Variants in ARID1B observed in about 807,000 individuals in gnomAD.
The protein encoded by ARID1B is AT-rich interaction domain 1B, also known as AT-rich interactive domain-containing protein 1B.
Under a neutral mutation model 212.3 loss-of-function variants are expected in ARID1B, and 30 were observed. The observed-to-expected ratio is 0.14, with a 90% CI of 0.11 to 0.19. The LOEUF (loss-of-function observed/expected upper bound fraction) is 0.19, where lower values mean the gene tolerates loss of function less well. Ranked by LOEUF, ARID1B falls within the 10% of genes least tolerant of loss-of-function variation. The pLI, the probability that ARID1B is intolerant of heterozygous loss-of-function variation, is 1.00. For synonymous variants in ARID1B, 1,402 were observed against 1,301.7 expected (o/e 1.08, Z -1.66); for missense variants, 2,891 against 3,204.0 (o/e 0.90, Z 2.36).
chr6:156,791,230 T>A (rs1013763565), intron 1 of ARID1B, among the ~76,000 whole-genome samples: 2 of 152,206 alleles, frequency 1.3e-5, no homozygotes, highest in African/African-American at 2.4e-5. Flanking sequence ...ATAAATGTAT[T>A]TTATGAAGAG....
intron 6 of ARID1B, chr6:157,119,849 A>C (rs531951073): frequency 2.0e-5 from 3 of 152,236 alleles, no homozygotes; most frequent in Non-Finnish European, 4.4e-5. Flanking sequence ...CCAGGGCCTC[A>C]TGTTTTACCT....
chr6:157,180,850 G>A, intron 11 of ARID1B, 119 bp from the exon 12 acceptor site: 1 of 749,158 alleles, frequency 1.3e-6, no homozygotes, highest in Middle Eastern at 3.8e-4. Context: ...TTGTGTGATA[G>A]CAGTAGTTTT....
intron 2 of ARID1B, among the ~76,000 whole-genome samples, chr6:156,876,745 G>C (rs1426827678): frequency 6.6e-6 from 1 of 152,178 alleles, no homozygotes; most frequent in Non-Finnish European, 1.5e-5. Flanking sequence ...GTGGGCAGTT[G>C]CTTTAGCCCC....
intron 4 of ARID1B, among the ~76,000 whole-genome samples, chr6:157,052,110 G>A (rs74854649): frequency 0.058 from 8,829 of 152,172 alleles, 354 homozygotes; most frequent in Non-Finnish European, 0.078. Flanking sequence ...AAGTAATGAC[G>A]TAGGAAAATG....
intron 1 of ARID1B, among the ~76,000 whole-genome samples, chr6:156,813,816 A>G (rs1271811134): frequency 6.6e-6 from 1 of 152,154 alleles, no homozygotes; most frequent in Non-Finnish European, 1.5e-5. Flanking sequence ...ATCAATACTT[A>G]GGGCATCCTT....
At chr6:157,092,474 C>T (rs1006529157) in intron 5 of ARID1B, among the ~76,000 whole-genome samples, 2 of 152,248 alleles carry the variant, frequency 1.3e-5, no homozygotes, top group African/African-American at 2.4e-5. Flanking sequence ...AGAACTGCCT[C>T]AGTGTTCTGA....
chr6:156,923,319 A>C (rs996775829), intron 3 of ARID1B, among the ~76,000 whole-genome samples: 2 of 152,180 alleles, frequency 1.3e-5, no homozygotes, highest in Admixed American at 1.3e-4. Context: ...TTTATAGACA[A>C]ATCTGGGAAA....
At chr6:156,977,917 GC>G (rs1322332133) in intron 4 of ARID1B, among the ~76,000 whole-genome samples, 1 of 152,142 alleles carries the variant, frequency 6.6e-6, no homozygotes, top group Non-Finnish European at 1.5e-5. Flanking sequence ...CACTGATTCT[GC>G]CCACTTTTCG....
chr6:156,844,870 T>G (rs1449499681), intron 2 of ARID1B, among the ~76,000 whole-genome samples: 4 of 152,248 alleles, frequency 2.6e-5, no homozygotes, highest in African/African-American at 9.6e-5. Context: ...AGTTGATAAC[T>G]GCCCATTATT....
chr6:157,134,588 C>G (rs1350799082), intron 7 of ARID1B, among the ~76,000 whole-genome samples: 1 of 152,172 alleles, frequency 6.6e-6, no homozygotes, highest in African/African-American at 2.4e-5. Flanking sequence ...GAATTTCAGT[C>G]CCAGTTGACA....
intron 2 of ARID1B, among the ~76,000 whole-genome samples, chr6:156,886,210 TG>T (rs1787486401): frequency 6.6e-6 from 1 of 152,212 alleles, no homozygotes; most frequent in Non-Finnish European, 1.5e-5. Context: ...ATTGTTTGTT[TG>T]TTTTGAATTT....
In ARID1B at chr6:157,047,327, G is replaced by A. The variant is rs186689136; in HGVS notation, c.2248-37335G>A. On this transcript the variant is annotated intron_variant, in intron 4 of 19. Coordinates refer to ENST00000636930, the MANE Select transcript of ARID1B (RefSeq NM_001374828.1). ...GAAAGCCCAGCAAAGAAGGTGTGAC[G>A]TTTCCAGAATATGTTTTGGCATTAT... Among the ~76,000 whole-genome samples, 538 of 152,296 alleles carry A rather than the reference G, an allele frequency of 3.5e-3. 2 individuals carry two copies. Among genetic ancestry groups the A allele is most frequent in the Non-Finnish European group, 6.0e-3 (405 of 68,024 alleles).
intron 4 of ARID1B, among the ~76,000 whole-genome samples, chr6:156,959,075 C>T (rs970860058): frequency 6.6e-6 from 1 of 152,100 alleles, no homozygotes; most frequent in Non-Finnish European, 1.5e-5. Flanking sequence ...GTGGGACTTG[C>T]CTAGAAAAGA....
intron 3 of ARID1B, among the ~76,000 whole-genome samples, chr6:156,915,523 G>A (rs1431978630): frequency 2.0e-5 from 3 of 151,756 alleles, no homozygotes; most frequent in African/African-American, 4.8e-5. Flanking sequence ...AGCTGAGATC[G>A]TGCCACTGCA....
intron 4 of ARID1B, among the ~76,000 whole-genome samples, chr6:156,954,592 A>G (rs1793820824): frequency 6.6e-6 from 1 of 152,122 alleles, no homozygotes; most frequent in Non-Finnish European, 1.5e-5. Context: ...TTATTACTTT[A>G]TGAGGTATTT....
At chr6:156,813,573 G>A (rs746912607) in intron 1 of ARID1B, among the ~76,000 whole-genome samples, 59 of 152,172 alleles carry the variant, frequency 3.9e-4, no homozygotes, top group Admixed American at 1.5e-3. Context: ...TAAGTGTTCA[G>A]GTGCGGTGTT....
intron 4 of ARID1B, among the ~76,000 whole-genome samples, chr6:157,024,980 CGAT>C (rs1157804920): frequency 6.6e-6 from 1 of 152,178 alleles, no homozygotes; most frequent in African/African-American, 2.4e-5. Flanking sequence ...CTTGTACAGA[CGAT>C]TTCACCATTG....
At chr6:156,913,021 C>CTTTTTTTTT (rs112512329) in intron 3 of ARID1B, among the ~76,000 whole-genome samples, 1 of 136,630 alleles carries the variant, frequency 7.3e-6, no homozygotes. Context: ...TTCATACTTT[C>CTTTTTTTTT]TTTTTTTTTT....
chr6:156,821,566 G>A (rs893068274), intron 1 of ARID1B, among the ~76,000 whole-genome samples: 2 of 152,188 alleles, frequency 1.3e-5, no homozygotes, highest in Non-Finnish European at 2.9e-5. Flanking sequence ...CATCACTTAC[G>A]GACCCGTCAG....
Sources: allele counts gnomAD v4.1 joint callset (sites outside exome capture counted in the v4.1 genomes callset), GRCh38; gene constraint gnomAD v4.1.1; transcripts MANE v1.5; gene names NCBI Gene and HGNC (gene_info 2026-07-23, HGNC 2026-07-21).